CELF4: variants seen among roughly 807,000 people sequenced by gnomAD.
CELF4 encodes the protein CUGBP Elav-like family member 4, also known as CUG-BP- and ETR-3-like factor 4.
Under a neutral mutation model 59.9 loss-of-function variants are expected in CELF4, and 18 were observed. The observed-to-expected ratio is 0.30, with a 90% CI of 0.21 to 0.45. The LOEUF is 0.45. Ranked by LOEUF, CELF4 falls within the 20% of genes least tolerant of loss-of-function variation. CELF4 has a pLI of 1.00. For synonymous variants in CELF4, 261 were observed against 267.1 expected, an observed-to-expected ratio of 0.98 and a Z score of 0.22; for missense variants, 456 against 689.0, an observed-to-expected ratio of 0.66 and a Z score of 3.79.
intron 1 of CELF4, among the ~76,000 whole-genome samples, chr18:37,506,792 C>T (rs935921077): frequency 2.0e-5 from 3 of 152,218 alleles, no homozygotes; most frequent in South Asian, 2.1e-4. Context: ...GGAAGCATCG[C>T]GCCTTGCATT....
At chr18:37,486,987 A>G (rs1335360471) in intron 1 of CELF4, among the ~76,000 whole-genome samples, 1 of 152,184 alleles carries the variant, frequency 6.6e-6, no homozygotes, top group Non-Finnish European at 1.5e-5. Context: ...CCATTTGGTC[A>G]TTGCCATGGC....
chr18:37,291,095 G>T (rs1026289015), intron 3 of CELF4, among the ~76,000 whole-genome samples: 15 of 152,156 alleles, frequency 9.9e-5, no homozygotes, highest in African/African-American at 3.4e-4. Context: ...TTTTAGTAGA[G>T]ATGGGGTTTC....
At chr18:37,500,398 G>GT (rs1355819100) in intron 1 of CELF4, among the ~76,000 whole-genome samples, 1 of 152,138 alleles carries the variant, frequency 6.6e-6, no homozygotes, top group Non-Finnish European at 1.5e-5. Context: ...TTAGTGAGCT[G>GT]TGCCAGGCAG....
intron 2 of CELF4, among the ~76,000 whole-genome samples, chr18:37,338,794 G>GTGTGTGGT (rs1557282748): frequency 1.7e-4 from 18 of 103,692 alleles, no homozygotes; most frequent in African/African-American, 4.9e-4. Flanking sequence ...GTGTGTGTGT[G>GTGTGTGGT]GTGTGTGTGA....
intron 2 of CELF4, among the ~76,000 whole-genome samples, chr18:37,432,012 G>A (rs975569364): frequency 6.6e-6 from 1 of 152,246 alleles, no homozygotes; most frequent in African/African-American, 2.4e-5. Context: ...TGCAAGGAGT[G>A]TGAGGCATGA....
At chr18:37,334,511 G>A (rs2097690224) in intron 2 of CELF4, among the ~76,000 whole-genome samples, 1 of 152,122 alleles carries the variant, frequency 6.6e-6, no homozygotes, top group African/African-American at 2.4e-5. Context: ...CACACTGGCT[G>A]GGTGGGAGTG....
chr18:37,474,979 A>G (rs1227714441), intron 2 of CELF4, among the ~76,000 whole-genome samples: 2 of 152,232 alleles, frequency 1.3e-5, no homozygotes, highest in African/African-American at 2.4e-5. Flanking sequence ...CCTCGGCCAC[A>G]GCCTGGTGGA....
In CELF4 at chr18:37,270,761, T is replaced by G. The variant is rs758111249; in HGVS notation, c.1099+7A>C. On this transcript the variant is annotated splice_region_variant and intron_variant, in intron 8 of 12. Transcript: ENST00000420428. ...ATACGGAAATAAGTGCTGACAGATG[T>G]GCTTACCTGGGTAGGGGTGGATGCC... The G allele has an allele frequency of 4.0e-5, 65 of 1,613,802 alleles. No individual in the cohort carries two copies. Among genetic ancestry groups the G allele is most frequent in the Non-Finnish European group, 5.1e-5 (60 of 1,179,974 alleles).
chr18:37,384,234 T>C (rs1350275235), intron 2 of CELF4, among the ~76,000 whole-genome samples: 1 of 152,240 alleles, frequency 6.6e-6, no homozygotes, highest in East Asian at 1.9e-4. Flanking sequence ...GGAGACACTC[T>C]GTCCTTCCTG....
chr18:37,368,696 G>T (rs149917057), intron 2 of CELF4, among the ~76,000 whole-genome samples: 11 of 152,182 alleles, frequency 7.2e-5, no homozygotes, highest in Non-Finnish European at 1.5e-4. Flanking sequence ...ACCTCAGCGT[G>T]CAAGGAGCAG....
At chr18:37,342,108 C>A (rs188377974) in intron 2 of CELF4, among the ~76,000 whole-genome samples, 1 of 152,134 alleles carries the variant, frequency 6.6e-6, no homozygotes, top group Non-Finnish European at 1.5e-5. Flanking sequence ...CACACACAAC[C>A]TTTTCTTCTC....
intron 2 of CELF4, among the ~76,000 whole-genome samples, chr18:37,483,794 A>C (rs1444445483): frequency 6.6e-6 from 1 of 152,214 alleles, no homozygotes; most frequent in Non-Finnish European, 1.5e-5. Flanking sequence ...ATTGCTTCTG[A>C]GAAACCATCA....
intron 2 of CELF4, among the ~76,000 whole-genome samples, chr18:37,467,140 G>A (rs2099811113): frequency 6.6e-6 from 1 of 152,110 alleles, no homozygotes; most frequent in Non-Finnish European, 1.5e-5. Flanking sequence ...TCATTATGGG[G>A]TATCAGAAAG....
chr18:37,562,927 GACA>G (rs1190276442), intron 1 of CELF4, among the ~76,000 whole-genome samples: 1 of 152,134 alleles, frequency 6.6e-6, no homozygotes, highest in Non-Finnish European at 1.5e-5. Context: ...GGTGAGCTGC[GACA>G]ACGAGGAACC....
At chr18:37,541,212 C>A (rs762460542) in intron 1 of CELF4, among the ~76,000 whole-genome samples, 1 of 152,114 alleles carries the variant, frequency 6.6e-6, no homozygotes, top group African/African-American at 2.4e-5. Context: ...TTCCTAATGC[C>A]TCTCCTTGGA....
intron 9 of CELF4, chr18:37,266,119 G>T (rs1601196368): frequency 4.9e-5 from 15 of 306,826 alleles, no homozygotes; most frequent in South Asian, 4.5e-4. Flanking sequence ...TCTCAAACCA[G>T]GCATCTGTGC....
chr18:37,527,005 G>GT (rs2099964654), intron 1 of CELF4, among the ~76,000 whole-genome samples: 1 of 152,178 alleles, frequency 6.6e-6, no homozygotes, highest in African/African-American at 2.4e-5. Context: ...CTCTGCAGCT[G>GT]TAACAAACCG....
At chr18:37,511,896 G>A (rs2099944766) in intron 1 of CELF4, among the ~76,000 whole-genome samples, 1 of 152,058 alleles carries the variant, frequency 6.6e-6, no homozygotes, top group Non-Finnish European at 1.5e-5. Flanking sequence ...GAAAGCAACT[G>A]TTACAGCCCC....
intron 3 of CELF4, among the ~76,000 whole-genome samples, chr18:37,299,837 A>AGCCAGCCAGCATGGTCCC (rs2095885602): frequency 6.6e-6 from 1 of 151,856 alleles, no homozygotes; most frequent in Admixed American, 6.6e-5. Flanking sequence ...TCCAGGGTCC[A>AGCCAGCCAGCATGGTCCC]GCCAGCCAGC....
Sources: allele counts gnomAD v4.1 joint callset (sites outside exome capture counted in the v4.1 genomes callset), GRCh38; gene constraint gnomAD v4.1.1; transcripts MANE v1.5; gene names NCBI Gene and HGNC (gene_info 2026-07-23, HGNC 2026-07-21).